GAS6: variants seen among roughly 807,000 people sequenced by gnomAD.
GAS6 encodes the protein growth arrest specific 6.
Under a neutral mutation model 75.8 loss-of-function variants are expected in GAS6, and 41 were observed. The ratio of observed to expected loss-of-function variants is 0.54; its 90% CI spans 0.42 to 0.70. The LOEUF (loss-of-function observed/expected upper bound fraction) is 0.70. GAS6 is among the 30% of genes least tolerant of loss of function. The probability of loss-of-function intolerance (pLI) is 0.00; values close to 1 mark genes in which losing one functional copy is unlikely to be tolerated. For missense variants in GAS6, 854 were observed against 940.2 expected (o/e 0.91, Z 1.20); for synonymous variants, 432 against 412.6 (o/e 1.05, Z -0.57).
In GAS6 at chr13:113,826,666, AGGCAC is replaced by A. The variant is rs1566354947; in HGVS notation, c.1477+325_1477+329del. On this transcript the variant is annotated intron_variant, in intron 12 of 14. Transcript: ENST00000327773. The stretch of plus-strand genomic sequence containing the variant: ...CCCGGCCTCCTGGCGCCGGCCTCGC[AGGCAC>A]CTTCTCTCCCCCGCCTCCTGGCGCC... 6.1e-4 allele frequency among the ~76,000 whole-genome samples: 62 copies of A among 101,166 alleles called. 9 individuals are homozygous for A. Among genetic ancestry groups the A allele is most frequent in the African/African-American group, 2.8e-3 (56 of 20,210 alleles). The allele number at this position is 101,166 out of a possible 152,430, so 66.4% of individuals were successfully genotyped here. A position where few individuals can be genotyped will look rare whatever the true frequency, so the allele number is the denominator to read the frequency against.
intron 2 of GAS6, among the ~76,000 whole-genome samples, chr13:113,862,449 C>T (rs925040208): frequency 2.6e-5 from 4 of 152,222 alleles, no homozygotes; most frequent in African/African-American, 9.6e-5. Context: ...CCTCAGCCAG[C>T]AGCACAGGCC....
rs961236926 is a variant in GAS6 at position 113,837,956 on chromosome 13, A to C, written c.589+113T>G. The stretch of plus-strand genomic sequence containing the variant: ...TAGTCTCTGCAGGATGCCCCATCCC[A>C]TCCAGAACCACAGGAACCCAGCCAG... On this transcript the variant is annotated intron_variant, in intron 6 of 14. Coordinates refer to ENST00000327773, the MANE Select transcript of GAS6 (RefSeq NM_000820.4). This position sits in a 1 kb window ranked among gnomAD's most constrained non-coding sequence, Gnocchi z 5.1. 2.9e-6 allele frequency: 4 copies of C among 1,357,488 alleles called. No individual in the cohort carries two copies. Among genetic ancestry groups the C allele is most frequent in the Non-Finnish European group, 4.1e-6 (4 of 983,790 alleles). 84.1% of individuals were successfully genotyped at this position (1,357,488 alleles called of 1,614,324 possible).
At position 113,820,738 on chromosome 13, in the gene GAS6, T is replaced by C; in HGVS notation, c.*126A>G. The C allele has an allele frequency of 8.9e-7, 1 of 1,117,558 alleles. No homozygotes were observed. The highest frequency in any genetic ancestry group is 1.2e-6 in the Non-Finnish European group (1 of 806,064). The allele number at this position is 1,117,558 out of a possible 1,614,324, so 69.2% of individuals were successfully genotyped here. A position where few individuals can be genotyped will look rare whatever the true frequency, so the allele number is the denominator to read the frequency against. Reference sequence around the variant, plus strand: ...GTCCATCTCACTATTTACAGATATGTTACAGGCCGGGATGGTCACAGAGGA... The same window carrying C: ...GTCCATCTCACTATTTACAGATATGCTACAGGCCGGGATGGTCACAGAGGA... On this transcript the variant is annotated 3_prime_UTR_variant, in exon 15 of 15. Coordinates refer to ENST00000327773, the MANE Select transcript of GAS6 (RefSeq NM_000820.4).
intron 2 of GAS6, among the ~76,000 whole-genome samples, chr13:113,854,842 C>T (rs1052774837): frequency 2.6e-5 from 4 of 152,188 alleles, no homozygotes; most frequent in Non-Finnish European, 4.4e-5. Flanking sequence ...GCCCAGGACA[C>T]GCCACTGTTT....
Position 113,863,581 on chromosome 13 carries a change from G to T in GAS6, c.249C>A (p.Pro83=). The change falls in exon 2 of 15, where the codon CCC becomes CCA. Residue 83 remains proline, a synonymous_variant. Coordinates refer to ENST00000327773, the MANE Select transcript of GAS6 (RefSeq NM_000820.4). The surrounding 1 kb of genome is among the most constrained non-coding windows in gnomAD (Gnocchi z 9.4). ...CCGCCCGCCGGCTGCTCACCGTCTC[G>T]GGGTCGTTCTCGAACACCTCCCGCG... ...EEAREVFEND[P]ETDYFYPRYL... The T allele has an allele frequency of 6.6e-7, 1 of 1,513,876 alleles. No individual in the cohort carries two copies. Among genetic ancestry groups the T allele is most frequent in the Non-Finnish European group, 8.8e-7 (1 of 1,133,668 alleles). The allele number at this position is 1,513,876 out of a possible 1,614,324, so 93.8% of individuals were successfully genotyped here. A position where few individuals can be genotyped will look rare whatever the true frequency, so the allele number is the denominator to read the frequency against.
intron 2 of GAS6, among the ~76,000 whole-genome samples, chr13:113,852,838 G>T (rs886189434): frequency 2.6e-5 from 4 of 152,230 alleles, no homozygotes; most frequent in Admixed American, 2.6e-4. Context: ...AGGGCACTGC[G>T]GTTCTCACGC....
At position 113,830,311 on chromosome 13, in the gene GAS6, G is replaced by T. The variant is rs2051613796; in HGVS notation, c.1144-1600C>A. Among the ~76,000 whole-genome samples, 3 of 152,200 alleles carry T rather than the reference G, an allele frequency of 2.0e-5. No homozygotes were observed. The South Asian group carries it at 6.2e-4, about 32-fold the overall frequency. On this transcript the variant is annotated intron_variant, in intron 10 of 14. Transcript: ENST00000327773. ...TGCTGGGGAAGGGCCTGTCTTGGTGGGGTGCTGCGGCCGCTGTGAGTCACT... is the reference window on the plus strand; with the variant it reads ...TGCTGGGGAAGGGCCTGTCTTGGTGTGGTGCTGCGGCCGCTGTGAGTCACT...
intron 12 of GAS6, among the ~76,000 whole-genome samples, chr13:113,825,665 T>A (rs979362769): frequency 6.6e-6 from 1 of 152,368 alleles, no homozygotes; most frequent in African/African-American, 2.4e-5. Flanking sequence ...GCATTTCATA[T>A]GACATGATTT....
chr13:113,832,755 G>A lies in GAS6; in HGVS notation c.835-3C>T, dbSNP rs760214185. 63 of 1,612,460 alleles carry A rather than the reference G, an allele frequency of 3.9e-5. No individual in the cohort carries two copies. The highest frequency in any genetic ancestry group is 1.6e-4 in the Middle Eastern group (1 of 6,082). ...AAGGGCACGCACGGCAAGATGTCCT[G>A]CCACGGACGGGGGCCACGCCGGTCG... On this transcript the variant is annotated splice_polypyrimidine_tract_variant and splice_region_variant and intron_variant, in intron 8 of 14. Coordinates refer to ENST00000327773, the MANE Select transcript of GAS6 (RefSeq NM_000820.4).
At chr13:113,851,309 G>A (rs927749249) in intron 2 of GAS6, among the ~76,000 whole-genome samples, 2 of 151,802 alleles carry the variant, frequency 1.3e-5, no homozygotes, top group Non-Finnish European at 2.9e-5. Flanking sequence ...ATGAGTGAGT[G>A]GCCAGATGAG....
In GAS6 at chr13:113,863,564, C is replaced by G; in HGVS notation, c.255+11G>C. ...AGGGGTTCCCCCGCATCCCGCCCGC[C>G]GGCTGCTCACCGTCTCGGGGTCGTT... is the stretch of plus-strand genomic sequence containing the variant. On this transcript the variant is annotated intron_variant, in intron 2 of 14. Transcript: ENST00000327773. The surrounding 1 kb of genome is among the most constrained non-coding windows in gnomAD (Gnocchi z 9.4). 6.7e-7 allele frequency: 1 copy of G among 1,503,292 alleles called. No individual in the cohort carries two copies. The allele number at this position is 1,503,292 out of a possible 1,614,324, so 93.1% of individuals were successfully genotyped here. A position where few individuals can be genotyped will look rare whatever the true frequency, so the allele number is the denominator to read the frequency against.
chr13:113,857,201 G>A (rs976449088), intron 2 of GAS6, among the ~76,000 whole-genome samples: 1 of 152,162 alleles, frequency 6.6e-6, no homozygotes, highest in Non-Finnish European at 1.5e-5. Flanking sequence ...AAAATTAGTA[G>A]AACATTAACA....
chr13:113,830,341 G>A (rs548646931), intron 10 of GAS6, among the ~76,000 whole-genome samples: 30 of 152,118 alleles, frequency 2.0e-4, no homozygotes, highest in African/African-American at 4.6e-4. Context: ...GTCACTGGGC[G>A]GGACTACACT....
chr13:113,858,750 AGTAT>A (rs1490938070), intron 2 of GAS6, among the ~76,000 whole-genome samples: 1 of 146,534 alleles, frequency 6.8e-6, no homozygotes, highest in Non-Finnish European at 1.5e-5. Context: ...CATGTCTGTT[AGTAT>A]GTGTGTGCGT....
chr13:113,825,115 G>A (rs2051518036), intron 12 of GAS6, among the ~76,000 whole-genome samples: 2 of 151,918 alleles, frequency 1.3e-5, no homozygotes, highest in South Asian at 4.2e-4. Context: ...CTACTCGGGA[G>A]GCTGAGGCAG....
Position 113,847,234 on chromosome 13 carries a change from C to T in GAS6, c.281-645G>A, listed in dbSNP as rs142407156. ...CAGGTGTGCTGTGGACCGCTGGCCACCCCCTGCTTCAGAACTCAGTCCTCG... is the reference window on the plus strand; with the variant it reads ...CAGGTGTGCTGTGGACCGCTGGCCATCCCCTGCTTCAGAACTCAGTCCTCG... On this transcript the variant is annotated intron_variant, in intron 3 of 14. Coordinates refer to ENST00000327773, the MANE Select transcript of GAS6 (RefSeq NM_000820.4). Among the ~76,000 whole-genome samples the T allele has an allele frequency of 1.1e-4, 17 of 152,348 alleles. No homozygotes were observed. The East Asian group carries it at 3.3e-3, about 29-fold the overall frequency.
chr13:113,823,584 G>T, intron 12 of GAS6, 34 bp from the exon 13 acceptor site: 1 of 1,575,106 alleles, frequency 6.3e-7, no homozygotes, highest in East Asian at 2.3e-5. Context: ...AGGGTGGTAT[G>T]CACGGTGGAG....
chr13:113,836,764 A>AGGAGG (rs2138640314), intron 6 of GAS6, among the ~76,000 whole-genome samples: 2 of 39,048 alleles, frequency 5.1e-5, no homozygotes, highest in Non-Finnish European at 9.9e-5. Context: ...GATGGGGAGG[A>AGGAGG]AGAGGGGGAG....
intron 10 of GAS6, 53 bp downstream of exon 10, chr13:113,832,246 T>C: frequency 2.6e-6 from 4 of 1,560,754 alleles, no homozygotes; most frequent in Non-Finnish European, 1.7e-6. Flanking sequence ...CAGCTGAGTC[T>C]GGCTCAGGGA....
Sources: allele counts gnomAD v4.1 joint callset (sites outside exome capture counted in the v4.1 genomes callset), GRCh38; gene constraint gnomAD v4.1.1; non-coding constraint Gnocchi (gnomAD v3.1); transcripts MANE v1.5; gene names NCBI Gene and HGNC (gene_info 2026-07-23, HGNC 2026-07-21).